Variants in SPEF2 observed in about 807,000 individuals in gnomAD.
SPEF2 encodes the protein sperm flagellar and cilia associated 2, also known as sperm flagella and cilia-associated protein 2.
Under a neutral mutation model 224.6 loss-of-function variants are expected in SPEF2, and 187 were observed. The ratio of observed to expected loss-of-function variants is 0.83; its 90% CI spans 0.74 to 0.94. SPEF2 has a LOEUF of 0.94. Ranked by LOEUF, SPEF2 falls within the 40% of genes least tolerant of loss-of-function variation. The pLI is 0.00. For missense variants in SPEF2, 2,170 were observed against 2,135.6 expected (o/e 1.02, Z -0.32); for synonymous variants, 715 against 707.3 (o/e 1.01, Z -0.17).
intron 21 of SPEF2, among the ~76,000 whole-genome samples, chr5:35,737,343 C>T (rs1159774638): frequency 1.3e-5 from 2 of 151,142 alleles, no homozygotes; most frequent in Non-Finnish European, 2.9e-5. Context: ...AGGTATATCT[C>T]CTAATGCTAT....
chr5:35,738,253 A>C (rs767119201), intron 21 of SPEF2, among the ~76,000 whole-genome samples: 1 of 151,922 alleles, frequency 6.6e-6, no homozygotes, highest in Non-Finnish European at 1.5e-5. Context: ...TTTTGTTGCC[A>C]TTGCTTTTGG....
intron 25 of SPEF2, 132 bp downstream of exon 25, chr5:35,759,851 A>C: frequency 2.3e-6 from 2 of 880,534 alleles, no homozygotes; most frequent in African/African-American, 1.7e-5. Flanking sequence ...CTAATAACCA[A>C]ACATGTTTTT....
At chr5:35,668,622 T>C (rs1025730044) in intron 9 of SPEF2, among the ~76,000 whole-genome samples, 1 of 152,128 alleles carries the variant, frequency 6.6e-6, no homozygotes, top group Non-Finnish European at 1.5e-5. Context: ...GATATCGTAC[T>C]GTGGTTTTGC....
intron 23 of SPEF2, among the ~76,000 whole-genome samples, chr5:35,747,180 A>G (rs563518940): frequency 7.9e-5 from 12 of 152,342 alleles, no homozygotes; most frequent in African/African-American, 2.9e-4. Context: ...AAATCTTGAA[A>G]CAAATCCTGG....
intron 23 of SPEF2, among the ~76,000 whole-genome samples, chr5:35,743,886 C>T (rs997639246): frequency 5.3e-5 from 8 of 152,288 alleles, no homozygotes; most frequent in African/African-American, 7.2e-5. Flanking sequence ...TTCATCCCCA[C>T]AACCACCCTC....
chr5:35,685,594 A>G (rs935844362), intron 10 of SPEF2, among the ~76,000 whole-genome samples: 2 of 152,106 alleles, frequency 1.3e-5, no homozygotes, highest in African/African-American at 2.4e-5. Flanking sequence ...ACTAAGGGCC[A>G]CTTTGTCATA....
intron 11 of SPEF2, among the ~76,000 whole-genome samples, chr5:35,691,893 G>A (rs972744529): frequency 6.0e-4 from 91 of 151,992 alleles, no homozygotes; most frequent in African/African-American, 2.0e-3. Flanking sequence ...TCTGCTTCCC[G>A]GGTTCAAGCG....
At chr5:35,738,040 C>T (rs1302814178) in intron 21 of SPEF2, among the ~76,000 whole-genome samples, 1 of 152,136 alleles carries the variant, frequency 6.6e-6, no homozygotes, top group Non-Finnish European at 1.5e-5. Context: ...TCATATCCTT[C>T]ACCCACTTTT....
chr5:35,742,267 G>A (rs1025806933), intron 23 of SPEF2, among the ~76,000 whole-genome samples: 1 of 152,004 alleles, frequency 6.6e-6, no homozygotes, highest in Non-Finnish European at 1.5e-5. Flanking sequence ...TTATTACAGA[G>A]AATTTTACAG....
At chr5:35,788,432 G>T (rs916291676) in intron 30 of SPEF2, 4 of 701,756 alleles carry the variant, frequency 5.7e-6, no homozygotes, top group African/African-American at 1.8e-5. Context: ...AGAGAAATTA[G>T]AAAAAAGTAA....
chr5:35,759,985 C>T (rs1236845217), intron 25 of SPEF2, among the ~76,000 whole-genome samples: 1 of 152,076 alleles, frequency 6.6e-6, no homozygotes, highest in African/African-American at 2.4e-5. Context: ...CCCACAGACT[C>T]TGCAGGTGGT....
chr5:35,765,691 C>G (rs1751995801), intron 26 of SPEF2, among the ~76,000 whole-genome samples: 1 of 152,132 alleles, frequency 6.6e-6, no homozygotes. Context: ...TGTCATCTGC[C>G]AAGAACATTT....
intron 8 of SPEF2, among the ~76,000 whole-genome samples, chr5:35,666,532 C>T (rs1750488593): frequency 6.6e-6 from 1 of 152,138 alleles, no homozygotes; most frequent in Non-Finnish European, 1.5e-5. Context: ...ACACATTTAA[C>T]ATTTGTTGGC....
chr5:35,695,638 A>G, intron 13 of SPEF2, 97 bp from the exon 14 acceptor site: 8 of 879,648 alleles, frequency 9.1e-6, no homozygotes, highest in Non-Finnish European at 1.4e-5. Context: ...GCTGGATCTG[A>G]TAACCCTTAT....
chr5:35,648,821 C>T (rs1271193201), intron 5 of SPEF2, among the ~76,000 whole-genome samples: 3 of 151,960 alleles, frequency 2.0e-5, no homozygotes, highest in African/African-American at 7.3e-5. Context: ...TGAGGCCACC[C>T]TTGTCAACCT....
intron 1 of SPEF2, among the ~76,000 whole-genome samples, chr5:35,626,937 CA>C (rs1277681227): frequency 1.3e-5 from 2 of 152,100 alleles, no homozygotes; most frequent in Non-Finnish European, 2.9e-5. Context: ...TTCTACAAAT[CA>C]TGAAGAAATG....
intron 15 of SPEF2, chr5:35,699,735 G>A (rs1738200533): frequency 6.6e-6 from 1 of 152,172 alleles, no homozygotes; most frequent in African/African-American, 2.4e-5. Context: ...GTATGAATTA[G>A]GAAACTGAGG....
At chr5:35,793,031 C>T in intron 31 of SPEF2, 128 bp from the exon 32 acceptor site, 1 of 791,778 alleles carries the variant, frequency 1.3e-6, no homozygotes, top group Non-Finnish European at 2.0e-6. Context: ...AAAGTCAGAA[C>T]TGATTCTATG....
intron 33 of SPEF2, among the ~76,000 whole-genome samples, chr5:35,798,672 C>T (rs1248543826): frequency 6.6e-6 from 1 of 152,146 alleles, no homozygotes; most frequent in African/African-American, 2.4e-5. Flanking sequence ...CAGCTCACTG[C>T]AACCTCCACC....
Sources: gnomAD v4.1 joint callset for allele counts (sites outside exome capture counted in the v4.1 genomes callset) on GRCh38, gnomAD v4.1.1 for gene constraint, MANE v1.5 for transcripts, NCBI Gene and HGNC (gene_info 2026-07-23, HGNC 2026-07-21) for gene names.